Variants in FANCC observed in about 807,000 individuals in gnomAD.
The protein encoded by FANCC is FA complementation group C.
In FANCC, 55 loss-of-function variants were observed where a neutral mutation model predicts 71.3. That is an observed-to-expected ratio of 0.77 (90% CI 0.62 to 0.97). FANCC has a LOEUF of 0.97. Ranked by LOEUF, FANCC falls within the 50% of genes least tolerant of loss-of-function variation. The pLI, the probability that FANCC is intolerant of heterozygous loss-of-function variation, is 0.00. For missense variants in FANCC, 678 were observed against 670.9 expected (o/e 1.01, Z -0.12); for synonymous variants, 275 against 244.9 (o/e 1.12, Z -1.15).
chr9:95,100,833 G>A lies in FANCC; in HGVS notation c.*874C>T, dbSNP rs956856849. 4.4e-6 allele frequency: 1 copy of A among 228,948 alleles called. No individual in the cohort carries two copies. The highest frequency in any genetic ancestry group is 8.7e-6 in the Non-Finnish European group (1 of 115,296). 14.2% of individuals were successfully genotyped at this position (228,948 alleles called of 1,614,324 possible). ...TTTAGTAGAGATAGGGTATTGCCAT[G>A]TTAGCCAGGCAGTCTGGAACTCCTG... On this transcript the variant is annotated 3_prime_UTR_variant, in exon 15 of 15. Coordinates refer to ENST00000289081, the MANE Select transcript of FANCC (RefSeq NM_000136.3).
At chr9:95,302,471 A>C (rs1423348801) in intron 1 of FANCC, among the ~76,000 whole-genome samples, 1 of 152,210 alleles carries the variant, frequency 6.6e-6, no homozygotes, top group East Asian at 1.9e-4. Flanking sequence ...CTATGAAGAC[A>C]CAGCCTGGTG....
chr9:95,154,397 T>C (rs2135469547), intron 6 of FANCC, among the ~76,000 whole-genome samples: 1 of 152,204 alleles, frequency 6.6e-6, no homozygotes, highest in African/African-American at 2.4e-5. Context: ...CATTTCTTCT[T>C]ACAGGTTAGG....
At chr9:95,194,484 G>T (rs1481255621) in intron 4 of FANCC, among the ~76,000 whole-genome samples, 1 of 152,140 alleles carries the variant, frequency 6.6e-6, no homozygotes, top group Non-Finnish European at 1.5e-5. Context: ...GAGTAACGCA[G>T]TTCCTCCACA....
chr9:95,271,591 T>A (rs1832721702), intron 1 of FANCC, among the ~76,000 whole-genome samples: 1 of 152,198 alleles, frequency 6.6e-6, no homozygotes, highest in Admixed American at 6.5e-5. Context: ...CAACAAGATA[T>A]GATTCTGTTC....
rs2071038350 is a variant in FANCC at position 95,100,548 on chromosome 9, AC to A, written c.*1158del. ...AAACAGAATAGACACAAAAGAATGT[AC>A]AACCAATACAATTCCAGAATGTCCC... On this transcript the variant is annotated 3_prime_UTR_variant, in exon 15 of 15. Coordinates refer to ENST00000289081, the MANE Select transcript of FANCC (RefSeq NM_000136.3). The A allele has an allele frequency of 4.3e-6, 1 of 231,618 alleles. No homozygotes were observed. Among genetic ancestry groups the A allele is most frequent in the African/African-American group, 2.2e-5 (1 of 45,278 alleles). The allele number at this position is 231,618 out of a possible 1,614,324, so 14.3% of individuals were successfully genotyped here. A position where few individuals can be genotyped will look rare whatever the true frequency, so the allele number is the denominator to read the frequency against.
At chr9:95,277,051 A>T (rs1416337877) in intron 1 of FANCC, among the ~76,000 whole-genome samples, 1 of 152,230 alleles carries the variant, frequency 6.6e-6, no homozygotes, top group Admixed American at 6.5e-5. Flanking sequence ...TAGAAAATGC[A>T]GCATTCCTAC....
intron 4 of FANCC, among the ~76,000 whole-genome samples, chr9:95,178,574 C>G (rs1179085351): frequency 3.3e-5 from 5 of 152,242 alleles, no homozygotes; most frequent in Non-Finnish European, 4.4e-5. Flanking sequence ...TCCATTCGCA[C>G]AACCAGGCTG....
chr9:95,313,305 C>T (rs1256961468), intron 1 of FANCC, among the ~76,000 whole-genome samples: 1 of 152,134 alleles, frequency 6.6e-6, no homozygotes, highest in Non-Finnish European at 1.5e-5. Context: ...CCTGGAGAAG[C>T]GTCACGTGTG....
chr9:95,160,906 T>TA (rs1277536384), intron 6 of FANCC, among the ~76,000 whole-genome samples: 1 of 152,218 alleles, frequency 6.6e-6, no homozygotes, highest in Admixed American at 6.5e-5. Flanking sequence ...TGAAGTTGCT[T>TA]ATCAGCTTAA....
intron 10 of FANCC, among the ~76,000 whole-genome samples, chr9:95,120,987 A>G (rs941680943): frequency 2.0e-5 from 3 of 152,000 alleles, no homozygotes; most frequent in Non-Finnish European, 2.9e-5. Context: ...CCAACCTCAC[A>G]TGAGGGCAGC....
intron 6 of FANCC, among the ~76,000 whole-genome samples, chr9:95,163,025 T>G (rs371568684): frequency 6.6e-6 from 1 of 152,240 alleles, no homozygotes; most frequent in African/African-American, 2.4e-5. Flanking sequence ...TCCAAGATCA[T>G]TGCGAAGTCC....
intron 1 of FANCC, chr9:95,292,961 C>T (rs1834144507): frequency 1.8e-5 from 29 of 1,579,682 alleles, no homozygotes; most frequent in Non-Finnish European, 2.5e-5. Context: ...AGTCTCACAT[C>T]TACCGAACTG....
chr9:95,227,052 C>T (rs1319302896), intron 4 of FANCC, among the ~76,000 whole-genome samples: 1 of 152,176 alleles, frequency 6.6e-6, no homozygotes, highest in Non-Finnish European at 1.5e-5. Context: ...CTTTCTACTC[C>T]ATAGCTGTTC....
intron 1 of FANCC, among the ~76,000 whole-genome samples, chr9:95,267,414 T>C (rs1279260168): frequency 6.6e-6 from 1 of 152,002 alleles, no homozygotes; most frequent in Admixed American, 6.6e-5. Flanking sequence ...CCAGGCTCCA[T>C]GGAAGCCAGA....
At chr9:95,283,999 C>T (rs751057417) in intron 1 of FANCC, among the ~76,000 whole-genome samples, 1 of 152,198 alleles carries the variant, frequency 6.6e-6, no homozygotes, top group Non-Finnish European at 1.5e-5. Flanking sequence ...TAATAAAATA[C>T]ATTAATTACA....
intron 1 of FANCC, among the ~76,000 whole-genome samples, chr9:95,272,806 T>C (rs925963623): frequency 1.3e-5 from 2 of 152,236 alleles, no homozygotes; most frequent in African/African-American, 4.8e-5. Context: ...AAGTGAGGGA[T>C]AGGCATATTT....
At chr9:95,218,243 T>C (rs1292376957) in intron 4 of FANCC, among the ~76,000 whole-genome samples, 1 of 152,154 alleles carries the variant, frequency 6.6e-6, no homozygotes, top group Non-Finnish European at 1.5e-5. Flanking sequence ...GGTGGGAGAA[T>C]CGCTTGAGAC....
At chr9:95,133,289 T>C (rs544334683) in intron 8 of FANCC, among the ~76,000 whole-genome samples, 88 of 152,344 alleles carry the variant, frequency 5.8e-4, no homozygotes, top group Non-Finnish European at 1.0e-3. Flanking sequence ...TGTATTGTAA[T>C]TACGTCCTTG....
chr9:95,287,231 C>T (rs952832952), intron 1 of FANCC, among the ~76,000 whole-genome samples: 2 of 151,160 alleles, frequency 1.3e-5, no homozygotes, highest in Admixed American at 6.6e-5. Flanking sequence ...TGCTCATCCA[C>T]ATGGTATGTC....
Sources: gnomAD v4.1 joint callset for allele counts (sites outside exome capture counted in the v4.1 genomes callset) on GRCh38, gnomAD v4.1.1 for gene constraint, MANE v1.5 for transcripts, NCBI Gene and HGNC (gene_info 2026-07-23, HGNC 2026-07-21) for gene names.